BRSK2: variants seen among roughly 807,000 people sequenced by gnomAD.
BRSK2 encodes serine/threonine-protein kinase BRSK2.
In BRSK2, 19 loss-of-function variants were observed where a neutral mutation model predicts 83.3. The ratio of observed to expected loss-of-function variants is 0.23; its 90% CI spans 0.16 to 0.33. The LOEUF (loss-of-function observed/expected upper bound fraction) is 0.33. Among genes scored for constraint, BRSK2 ranks in the 10% least tolerant of loss-of-function variants. BRSK2 has a pLI of 1.00. For missense variants in BRSK2, 798 were observed against 1,042.3 expected (o/e 0.77, Z 3.23); for synonymous variants, 519 against 435.4 (o/e 1.19, Z -2.39).
At chr11:1,402,932 G>C (rs546035730) in intron 1 of BRSK2, among the ~76,000 whole-genome samples, 1 of 152,190 alleles carries the variant, frequency 6.6e-6, no homozygotes, top group East Asian at 1.9e-4. Flanking sequence ...CCAAATCCCC[G>C]GGGATTTGTG....
Position 1,410,465 on chromosome 11 carries a change from C to G in BRSK2, c.91+20090C>G, listed in dbSNP as rs542696531. Reference sequence around the variant, plus strand: ...GTGTTTGGGGGCGCCGTGAAAGCACCCAGCGTAGTCATGCTGCTGTGTGCG... The same window carrying G: ...GTGTTTGGGGGCGCCGTGAAAGCACGCAGCGTAGTCATGCTGCTGTGTGCG... On this transcript the variant is annotated intron_variant, in intron 1 of 19. Transcript: ENST00000528841. The G allele has an allele frequency of 6.1e-6, 6 of 985,506 alleles. No homozygotes were observed. In the East Asian group the frequency reaches 6.8e-4, roughly 112 times the overall value. 61.0% of individuals were successfully genotyped at this position (985,506 alleles called of 1,614,324 possible).
Position 1,461,094 on chromosome 11 carries a change from C to G in BRSK2, c.*371C>G. 1.3e-6 allele frequency: 2 copies of G among 1,520,954 alleles called. No homozygotes were observed. The highest frequency in any genetic ancestry group is 1.8e-6 in the Non-Finnish European group (2 of 1,114,752). 94.2% of individuals were successfully genotyped at this position (1,520,954 alleles called of 1,614,324 possible). ...TGCCGGGCAGTGAGGCCCAGCCCAG[C>G]GCCCCGTCCACCCCGCGGCAGCTCC... On this transcript the variant is annotated 3_prime_UTR_variant, in exon 20 of 20. Coordinates refer to ENST00000528841, the MANE Select transcript of BRSK2 (RefSeq NM_001256627.2).
intron 1 of BRSK2, among the ~76,000 whole-genome samples, chr11:1,391,159 A>T (rs972337360): frequency 6.6e-6 from 1 of 151,568 alleles, no homozygotes; most frequent in African/African-American, 2.4e-5. Context: ...CATGTGGCCA[A>T]CTCTCCCCGG....
Position 1,390,476 on chromosome 11 carries a change from C to G in BRSK2, c.91+101C>G, listed in dbSNP as rs1322246959. The G allele has an allele frequency of 1.7e-6, 1 of 581,960 alleles. No homozygotes were observed. The highest frequency in any genetic ancestry group is 6.5e-5 in the Admixed American group (1 of 15,316). 36.0% of individuals were successfully genotyped at this position (581,960 alleles called of 1,614,324 possible). A position where few individuals can be genotyped will look rare whatever the true frequency, so the allele number is the denominator to read the frequency against. ...AGGCCCCGGCCGCGAAGCCGCAGGC[C>G]CGGCCCGGGCCCCGGCCGCGAACAA... is the stretch of plus-strand genomic sequence containing the variant. On this transcript the variant is annotated intron_variant, in intron 1 of 19. Coordinates refer to ENST00000528841, the MANE Select transcript of BRSK2 (RefSeq NM_001256627.2). This position sits in a 1 kb window ranked among gnomAD's most constrained non-coding sequence, Gnocchi z 6.8.
Position 1,445,385 on chromosome 11 carries a change from G to A in BRSK2, c.904G>A (p.Val302Met). 1 of 1,611,978 alleles carries A rather than the reference G, an allele frequency of 6.2e-7. No homozygotes were observed. Among genetic ancestry groups the A allele is most frequent in the Admixed American group, 1.7e-5 (1 of 59,966 alleles). ...CAGCCTGGAGGACATCGACCCCGACGTGCTGGACAGCATGCACTCACTGGG... is the reference window on the plus strand; with the variant it reads ...CAGCCTGGAGGACATCGACCCCGACATGCTGGACAGCATGCACTCACTGGG... ...LPSLEDIDPD[V>M]LDSMHSLGCF... is the part of the protein sequence containing the mutation. Residue 302 changes from valine to methionine, a missense_variant, in exon 10 of 20, where the codon GTG becomes ATG. Physicochemically the swap from Val to Met is conservative, Grantham distance 21. This residue lies in a region of BRSK2 where 145 missense variants were observed against 225.4 expected (regional missense o/e 0.64). Coordinates refer to ENST00000528841, the MANE Select transcript of BRSK2 (RefSeq NM_001256627.2).
chr11:1,449,268 C>T (rs1471778892), intron 12 of BRSK2, among the ~76,000 whole-genome samples: 1 of 152,236 alleles, frequency 6.6e-6, no homozygotes, highest in African/African-American at 2.4e-5. Context: ...CCTGCCCAGG[C>T]CCTCCTGGTT....
intron 3 of BRSK2, among the ~76,000 whole-genome samples, chr11:1,439,767 T>C (rs1386436914): frequency 8.6e-6 from 1 of 116,246 alleles, no homozygotes; most frequent in African/African-American, 3.4e-5. Flanking sequence ...GCTTCACACC[T>C]TCCTCTGCCC....
chr11:1,458,933 G>A (rs2133293475), intron 18 of BRSK2, among the ~76,000 whole-genome samples: 1 of 152,274 alleles, frequency 6.6e-6, no homozygotes, highest in South Asian at 2.1e-4. Context: ...GCTGCTGGAG[G>A]TCCGGCTGCT....
chr11:1,450,707 G>A lies in BRSK2; in HGVS notation c.1408G>A (p.Val470Ile), dbSNP rs542402758. The stretch of plus-strand genomic sequence containing the variant: ...CCCCACGCCCCCGTCCAGCCCCAGC[G>A]TCGGAGGGGTGCCCTGGAGGGCGCG... The part of the protein sequence containing the change: ...PNPTPPSSPS[V>I]GGVPWRARLN... The change falls in exon 14 of 20, where the codon GTC becomes ATC. Residue 470 changes from valine to isoleucine, a missense_variant. This residue lies in a region of BRSK2 where 455 missense variants were observed against 455.2 expected (regional missense o/e 1.00). Coordinates refer to ENST00000528841, the MANE Select transcript of BRSK2 (RefSeq NM_001256627.2). 1.7e-4 allele frequency: 270 copies of A among 1,606,652 alleles called. 1 individual carries two copies. In the East Asian group the frequency reaches 3.1e-3, roughly 18 times the overall value.
intron 15 of BRSK2, among the ~76,000 whole-genome samples, chr11:1,453,478 G>A (rs1846055646): frequency 6.6e-6 from 1 of 152,156 alleles, no homozygotes; most frequent in Non-Finnish European, 1.5e-5. Flanking sequence ...CCTGGCATGG[G>A]GCTGGGGTAA....
In BRSK2 at chr11:1,447,735, G is replaced by C. The variant is rs374541301; in HGVS notation, c.1226+1828G>C. The stretch of plus-strand genomic sequence containing the variant: ...TTACCCGGTGTGGCCCGGGCCCTGG[G>C]GGCCGACCTGTGCCCGCGTGTGGCC... On this transcript the variant is annotated intron_variant, in intron 12 of 19. Transcript: ENST00000528841. The C allele has an allele frequency of 1.7e-5, 26 of 1,513,612 alleles. No individual in the cohort carries two copies. In the East Asian group the frequency reaches 3.8e-4, roughly 22 times the overall value. 93.8% of individuals were successfully genotyped at this position (1,513,612 alleles called of 1,614,324 possible).
intron 1 of BRSK2, among the ~76,000 whole-genome samples, chr11:1,419,540 G>A (rs781252763): frequency 1.8e-4 from 27 of 152,162 alleles, no homozygotes; most frequent in South Asian, 8.3e-4. Flanking sequence ...TTTCTTAGTC[G>A]TTTTTGTAGA....
At chr11:1,428,954 G>GGT (rs1564830883) in intron 1 of BRSK2, among the ~76,000 whole-genome samples, 3 of 150,590 alleles carry the variant, frequency 2.0e-5, no homozygotes, top group Non-Finnish European at 4.4e-5. Context: ...TGTGTGCACG[G>GGT]GTGTGTGCCC....
intron 12 of BRSK2, among the ~76,000 whole-genome samples, chr11:1,449,562 CGTG>C (rs1845549960): frequency 1.3e-5 from 2 of 152,174 alleles, no homozygotes; most frequent in Admixed American, 1.3e-4. Flanking sequence ...GGCCCCCACA[CGTG>C]GGCTCTGATG....
At chr11:1,426,711 G>A (rs1354602595) in intron 1 of BRSK2, among the ~76,000 whole-genome samples, 3 of 152,298 alleles carry the variant, frequency 2.0e-5, no homozygotes, top group South Asian at 2.1e-4. Flanking sequence ...TGCTGGCAAC[G>A]GGGGTGGGGG....
chr11:1,410,929 G>A (rs1847411087), intron 1 of BRSK2: 21 of 989,726 alleles, frequency 2.1e-5, no homozygotes, highest in Non-Finnish European at 2.5e-5. Flanking sequence ...CAGTCTCAGA[G>A]GCCAGGGCCC....
intron 2 of BRSK2, among the ~76,000 whole-genome samples, chr11:1,436,891 G>A (rs1282058527): frequency 6.6e-6 from 1 of 152,090 alleles, no homozygotes; most frequent in Non-Finnish European, 1.5e-5. Context: ...GGAGGCTTGT[G>A]GAAGGTGCTA....
At chr11:1,405,967 CAGA>C (rs1846847880) in intron 1 of BRSK2, among the ~76,000 whole-genome samples, 1 of 152,162 alleles carries the variant, frequency 6.6e-6, no homozygotes, top group African/African-American at 2.4e-5. Context: ...CCAGCCTTCC[CAGA>C]CCCCCACAAG....
rs4963030 is a variant in BRSK2, at chr11:1,460,460, C to G, written c.1988-40C>G. 93,687 of 1,120,852 alleles carry G rather than the reference C, an allele frequency of 0.084. 5,162 individuals are homozygous for G. Among genetic ancestry groups the G allele is most frequent in the Non-Finnish European group, 0.091 (80,695 of 888,444 alleles). 69.4% of individuals were successfully genotyped at this position (1,120,852 alleles called of 1,614,324 possible). A position where few individuals can be genotyped will look rare whatever the true frequency, so the allele number is the denominator to read the frequency against. ...TCTCTCCCCCTTTTTTTTCTTTTTT[C>G]CTTTTTTTTTTTTTTTTTGTCTCTG... On this transcript the variant is annotated intron_variant, in intron 19 of 19. Transcript: ENST00000528841.
Sources: gnomAD v4.1 joint callset for allele counts (sites outside exome capture counted in the v4.1 genomes callset) on GRCh38, gnomAD v4.1.1 for gene constraint, gnomAD v4.1.1 regional missense constraint, Gnocchi (gnomAD v3.1) non-coding constraint, MANE v1.5 for transcripts, NCBI Gene and HGNC (gene_info 2026-07-23, HGNC 2026-07-21) for gene names.